The following HDAC9 variants were observed in gnomAD, a reference collection of about 807,000 sequenced individuals.
HDAC9 encodes MEF-2 interacting transcription repressor (MITR) protein.
A neutral mutation model predicts 139.4 loss-of-function variants in HDAC9; 41 were observed. That is an observed-to-expected ratio of 0.29 (90% CI 0.23 to 0.38). The LOEUF (loss-of-function observed/expected upper bound fraction) is 0.38. Among genes scored for constraint, HDAC9 ranks in the 10% least tolerant of loss-of-function variants. The pLI is 1.00. For missense variants in HDAC9, 1,147 were observed against 1,297.0 expected, an observed-to-expected ratio of 0.88 and a Z score of 1.78; for synonymous variants, 517 against 476.2, an observed-to-expected ratio of 1.09 and a Z score of -1.12.
At chr7:18,388,902 T>C (rs1786198015) in intron 1 of HDAC9, among the ~76,000 whole-genome samples, 1 of 152,242 alleles carries the variant, frequency 6.6e-6, no homozygotes, top group African/African-American at 2.4e-5. Flanking sequence ...TCAAATTTCT[T>C]GACACTCTCA....
rs573073510 is a variant in HDAC9 at position 18,580,732 on chromosome 7, G to A, written c.23-4549G>A. On this transcript the variant is annotated intron_variant, in intron 2 of 25. Coordinates refer to ENST00000686413, the MANE Select transcript of HDAC9 (RefSeq NM_178425.4). ...TCCCAGACAAGGAATGTTGTGAACAGAGATGATTCTATTTATCCACTGTTA... is the reference window on the plus strand; with the variant it reads ...TCCCAGACAAGGAATGTTGTGAACAAAGATGATTCTATTTATCCACTGTTA... Among the ~76,000 whole-genome samples the A allele has an allele frequency of 2.0e-5, 3 of 152,326 alleles. No homozygotes were observed. The East Asian group carries it at 5.8e-4, about 29-fold the overall frequency.
rs575662219 is a variant in HDAC9 at position 18,781,110 on chromosome 7, C to T, written c.2215-12235C>T. Among the ~76,000 whole-genome samples, 15 of 152,108 alleles carry T rather than the reference C, an allele frequency of 9.9e-5. No homozygotes were observed. The East Asian group carries it at 2.3e-3, about 24-fold the overall frequency. On this transcript the variant is annotated intron_variant, in intron 16 of 25. Transcript: ENST00000686413. Reference sequence around the variant, plus strand: ...CCTCACAAGCTTTTCTCTGTTCATGCGCATCCCTGCTGTCTCTTTCTTTTC... The same window carrying T: ...CCTCACAAGCTTTTCTCTGTTCATGTGCATCCCTGCTGTCTCTTTCTTTTC...
At chr7:18,426,550 A>G (rs1226899630) in intron 1 of HDAC9, among the ~76,000 whole-genome samples, 1 of 152,218 alleles carries the variant, frequency 6.6e-6, no homozygotes, top group East Asian at 1.9e-4. Flanking sequence ...GTATGAACAC[A>G]CTGAAAGGAA....
In HDAC9 at chr7:18,571,169, G is replaced by A. The variant is rs553550236; in HGVS notation, c.23-14112G>A. ...ACATGAATTTTTAAAATGTTTTAAC[G>A]TTCAATTTTTTTCTAAATTGTATGT... is the stretch of plus-strand genomic sequence containing the variant. On this transcript the variant is annotated intron_variant, in intron 2 of 25. Transcript: ENST00000686413. Among the ~76,000 whole-genome samples the A allele has an allele frequency of 4.6e-5, 7 of 152,232 alleles. No individual in the cohort carries two copies. The South Asian group carries it at 8.3e-4, about 18-fold the overall frequency.
Position 18,629,501 on chromosome 7 carries a change from AC to A in HDAC9, c.796+22del. On this transcript the variant is annotated intron_variant, in intron 7 of 25. Transcript: ENST00000686413. ...TGACAGGTAATTGAGGACTGGGCAG[AC>A]CTATGAATGCTGGGAGTAGGAATGA... The A allele has an allele frequency of 6.2e-7, 1 of 1,603,346 alleles. No individual in the cohort carries two copies. The highest frequency in any genetic ancestry group is 8.5e-7 in the Non-Finnish European group (1 of 1,174,682).
rs1798878721 is a variant in HDAC9 at position 18,871,032 on chromosome 7, T to C, written c.2685-3446T>C. ...ATTTCTGCCTTGTTCCAATGGTAAT[T>C]ATATATTTTCCTCAATTCTTCTACA... On this transcript the variant is annotated intron_variant, in intron 21 of 25. Transcript: ENST00000686413. Among the ~76,000 whole-genome samples the C allele has an allele frequency of 2.0e-5, 3 of 152,172 alleles. No homozygotes were observed. In the East Asian group the frequency reaches 5.8e-4, roughly 29 times the overall value.
intron 22 of HDAC9, among the ~76,000 whole-genome samples, chr7:18,912,105 C>T (rs1233098953): frequency 1.3e-5 from 2 of 151,998 alleles, no homozygotes; most frequent in Non-Finnish European, 2.9e-5. Flanking sequence ...TAACTATTTT[C>T]ATATTGGGAT....
chr7:18,688,481 C>A (rs1029737874), intron 12 of HDAC9, among the ~76,000 whole-genome samples: 1 of 151,782 alleles, frequency 6.6e-6, no homozygotes, highest in Non-Finnish European at 1.5e-5. Context: ...TTTACATATG[C>A]CCTCTATATT....
chr7:18,200,464 G>A (rs897948422), intron 2 of HDAC9, among the ~76,000 whole-genome samples: 1 of 152,140 alleles, frequency 6.6e-6, no homozygotes, highest in African/African-American at 2.4e-5. Context: ...TGGGTTCTGT[G>A]TCAGTGGAAC....
intron 2 of HDAC9, among the ~76,000 whole-genome samples, chr7:18,239,397 G>A (rs1398155799): frequency 6.6e-6 from 1 of 152,140 alleles, no homozygotes; most frequent in East Asian, 1.9e-4. Flanking sequence ...ACATAGCATG[G>A]AGAGGAGATA....
rs1481367789 is a variant in HDAC9 at position 18,748,496 on chromosome 7, CTAAA to C, written c.1910-508_1910-505del. Among the ~76,000 whole-genome samples, 8 of 152,256 alleles carry C rather than the reference CTAAA, an allele frequency of 5.3e-5. No homozygotes were observed. The East Asian group carries it at 1.5e-3, about 29-fold the overall frequency. ...TTTTTGAACAACCTTGAAGAAATTA[CTAAA>C]CAGGATAGGCAGAGTGGGAAAATCT... On this transcript the variant is annotated intron_variant, in intron 13 of 25. Coordinates refer to ENST00000686413, the MANE Select transcript of HDAC9 (RefSeq NM_178425.4).
At chr7:18,187,700 A>G (rs892462334) in intron 2 of HDAC9, among the ~76,000 whole-genome samples, 17 of 152,292 alleles carry the variant, frequency 1.1e-4, no homozygotes, top group Non-Finnish European at 2.1e-4. Context: ...AGCCTAATCC[A>G]TACAGTGTTG....
At chr7:18,569,664 A>G (rs984957768) in intron 2 of HDAC9, among the ~76,000 whole-genome samples, 2 of 152,214 alleles carry the variant, frequency 1.3e-5, no homozygotes, top group African/African-American at 4.8e-5. Flanking sequence ...AGCCATGGAG[A>G]AGAATTATTA....
chr7:18,349,850 A>G (rs1782718259), intron 1 of HDAC9, among the ~76,000 whole-genome samples: 1 of 152,196 alleles, frequency 6.6e-6, no homozygotes, highest in Non-Finnish European at 1.5e-5. Context: ...GTGGCTATTC[A>G]ATATTAATAC....
chr7:18,366,548 T>C (rs944769176), intron 1 of HDAC9, among the ~76,000 whole-genome samples: 13 of 152,118 alleles, frequency 8.5e-5, no homozygotes. Context: ...TGAACTTTTA[T>C]ATGGATACAC....
intron 12 of HDAC9, among the ~76,000 whole-genome samples, chr7:18,717,019 T>A (rs751018354): frequency 2.2e-4 from 33 of 151,554 alleles, no homozygotes; most frequent in African/African-American, 8.0e-4. Flanking sequence ...TTTTGGTATT[T>A]TGTTCGCTGG....
chr7:18,145,364 G>A (rs975427948), intron 1 of HDAC9, among the ~76,000 whole-genome samples: 4 of 152,178 alleles, frequency 2.6e-5, no homozygotes, highest in Non-Finnish European at 5.9e-5. Context: ...GGCATTGGGT[G>A]CAGTTATATG....
At chr7:18,149,980 A>T (rs1256870687) in intron 1 of HDAC9, among the ~76,000 whole-genome samples, 1 of 152,012 alleles carries the variant, frequency 6.6e-6, no homozygotes, top group East Asian at 1.9e-4. Context: ...TACAGGTGTA[A>T]TCTAAAGTGC....
At chr7:18,873,192 T>G (rs6461393) in intron 21 of HDAC9, among the ~76,000 whole-genome samples, 66,308 of 151,770 alleles carry the variant, frequency 0.44, 15,015 homozygotes, top group African/African-American at 0.56. Context: ...TTTGAAATTT[T>G]TAATTGTATT....
Sources: gnomAD v4.1 joint callset for allele counts (sites outside exome capture counted in the v4.1 genomes callset) on GRCh38, gnomAD v4.1.1 for gene constraint, MANE v1.5 for transcripts, NCBI Gene and HGNC (gene_info 2026-07-23, HGNC 2026-07-21) for gene names.